The following SYNDIG1L variants were observed in gnomAD, a reference collection of about 807,000 sequenced individuals.
SYNDIG1L encodes synapse differentiation-inducing gene protein 1-like.
In SYNDIG1L, 13 loss-of-function variants were observed where a neutral mutation model predicts 20.1. The observed-to-expected ratio is 0.65, with a 90% CI of 0.42 to 1.03. The LOEUF (loss-of-function observed/expected upper bound fraction) is 1.03. Among genes scored for constraint, SYNDIG1L ranks in the 50% least tolerant of loss-of-function variants. SYNDIG1L has a pLI of 0.00. For synonymous variants in SYNDIG1L, 128 were observed against 129.3 expected, an observed-to-expected ratio of 0.99 and a Z score of 0.07; for missense variants, 294 against 305.1, an observed-to-expected ratio of 0.96 and a Z score of 0.27.
At chr14:74,451,156 A>T in the SYNDIG1L span, among the ~76,000 whole-genome samples, 35 of 152,360 alleles carry the variant, frequency 2.3e-4, no homozygotes, top group Middle Eastern at 6.8e-3. Flanking sequence ...GATGGCTGAC[A>T]CTACCTGATT....
chr14:74,462,743 C>T, the SYNDIG1L span, among the ~76,000 whole-genome samples: 2 of 152,084 alleles, frequency 1.3e-5, no homozygotes, highest in Admixed American at 6.6e-5. Flanking sequence ...TGAACTCAAG[C>T]AATCCTCCCA....
the SYNDIG1L span, chr14:74,474,851 G>T: frequency 6.6e-6 from 1 of 152,134 alleles, no homozygotes; most frequent in Non-Finnish European, 1.5e-5. Context: ...GGGTTAAATG[G>T]TCTGATCCAA....
chr14:74,438,764 T>C, the SYNDIG1L span, among the ~76,000 whole-genome samples: 1 of 152,218 alleles, frequency 6.6e-6, no homozygotes, highest in Non-Finnish European at 1.5e-5. Context: ...AAATGGCTAC[T>C]AGCCCTAGTG....
chr14:74,455,380 C>T, the SYNDIG1L span, among the ~76,000 whole-genome samples: 6 of 149,038 alleles, frequency 4.0e-5, no homozygotes, highest in Non-Finnish European at 5.9e-5. Flanking sequence ...CAGTACCCTT[C>T]CTTCTTCCCC....
intron 1 of SYNDIG1L, among the ~76,000 whole-genome samples, chr14:74,414,349 G>T (rs1254623460): frequency 1.3e-5 from 2 of 152,226 alleles, no homozygotes; most frequent in Non-Finnish European, 2.9e-5. Context: ...TGCAGCTGGG[G>T]CTGTGGGTCT....
chr14:74,419,110 A>G (rs956339046), intron 1 of SYNDIG1L, among the ~76,000 whole-genome samples: 5 of 151,880 alleles, frequency 3.3e-5, no homozygotes, highest in Non-Finnish European at 5.9e-5. Context: ...CAGAAGCTTC[A>G]CTCACATTAG....
the SYNDIG1L span, chr14:74,476,687 C>A: frequency 2.3e-6 from 2 of 881,574 alleles, no homozygotes; most frequent in South Asian, 3.2e-5. Context: ...TTCCAGGACC[C>A]TTGAGCCACC....
the SYNDIG1L span, among the ~76,000 whole-genome samples, chr14:74,439,144 C>T: frequency 6.6e-6 from 1 of 150,386 alleles, no homozygotes; most frequent in African/African-American, 2.4e-5. Context: ...AGGCTCAGCT[C>T]GGGGGTTTCC....
chr14:74,448,853 G>T, the SYNDIG1L span, among the ~76,000 whole-genome samples: 1 of 152,170 alleles, frequency 6.6e-6, no homozygotes, highest in African/African-American at 2.4e-5. Flanking sequence ...AGGATCACTT[G>T]AGTTCAAGAG....
At chr14:74,439,879 CAAA>C in the SYNDIG1L span, among the ~76,000 whole-genome samples, 1 of 101,914 alleles carries the variant, frequency 9.8e-6, no homozygotes. Context: ...AACTCCATCT[CAAA>C]AAAAAAAAAA....
At position 74,407,444 on chromosome 14, in the gene SYNDIG1L, A is replaced by G; in HGVS notation, c.*91T>C. 2 of 1,557,340 alleles carry G rather than the reference A, an allele frequency of 1.3e-6. No homozygotes were observed. Among genetic ancestry groups the G allele is most frequent in the Non-Finnish European group, 1.7e-6 (2 of 1,147,388 alleles). On this transcript the variant is annotated 3_prime_UTR_variant, in exon 4 of 4. Coordinates refer to ENST00000331628, the MANE Select transcript of SYNDIG1L (RefSeq NM_001105579.2). ...AAGCCACTCTCACGGGATCATCTTC[A>G]GGGGCCGGGCCTTTCCATAGGGTCT...
chr14:74,407,332 G>T lies in SYNDIG1L; in HGVS notation c.*203C>A. 1.4e-6 allele frequency: 1 copy of T among 724,518 alleles called. No homozygotes were observed. Among genetic ancestry groups the T allele is most frequent in the Non-Finnish European group, 2.2e-6 (1 of 451,144 alleles). 44.9% of individuals were successfully genotyped at this position (724,518 alleles called of 1,614,324 possible). ...AGCCTGGGTTAGAGAGTGGCGCCCC[G>T]GGCCCTGCTCTGGGGCTGGGAGCAG... On this transcript the variant is annotated 3_prime_UTR_variant, in exon 4 of 4. Transcript: ENST00000331628.
chr14:74,469,421 A>G, the SYNDIG1L span, among the ~76,000 whole-genome samples: 2 of 151,670 alleles, frequency 1.3e-5, no homozygotes, highest in Non-Finnish European at 2.9e-5. Context: ...CCTAATGTAA[A>G]TGACAAGTTA....
chr14:74,436,812 T>C, the SYNDIG1L span, among the ~76,000 whole-genome samples: 1 of 142,684 alleles, frequency 7.0e-6, no homozygotes, highest in Non-Finnish European at 1.5e-5. Context: ...ATCATGCCAT[T>C]GCACTCCAGT....
In SYNDIG1L at chr14:74,406,753, T is replaced by A. The variant is rs2086083742; in HGVS notation, c.*782A>T. The A allele has an allele frequency of 6.6e-6, 1 of 152,330 alleles. No individual in the cohort carries two copies. The highest frequency in any genetic ancestry group is 1.5e-5 in the Non-Finnish European group (1 of 68,154). 9.4% of individuals were successfully genotyped at this position (152,330 alleles called of 1,614,324 possible). ...CCCCCAGGCAAAGCCCAGAAAAGGA[T>A]GATAGGGGCGGGGAGTGGGGGGAGA... On this transcript the variant is annotated 3_prime_UTR_variant, in exon 4 of 4. Transcript: ENST00000331628.
At position 74,406,688 on chromosome 14, in the gene SYNDIG1L, C is replaced by T. The variant is rs1181635851; in HGVS notation, c.*847G>A. On this transcript the variant is annotated 3_prime_UTR_variant, in exon 4 of 4. Coordinates refer to ENST00000331628, the MANE Select transcript of SYNDIG1L (RefSeq NM_001105579.2). ...CAGTGGCTGGTGAGCTGAGGGCACTCTCTGGGTCTAGTCTACTTGTGATGG... is the reference window on the plus strand; with the variant it reads ...CAGTGGCTGGTGAGCTGAGGGCACTTTCTGGGTCTAGTCTACTTGTGATGG... 2 of 152,238 alleles carry T rather than the reference C, an allele frequency of 1.3e-5. No homozygotes were observed. The highest frequency in any genetic ancestry group is 2.9e-5 in the Non-Finnish European group (2 of 68,122). The allele number at this position is 152,238 out of a possible 1,614,324, so 9.4% of individuals were successfully genotyped here. A position where few individuals can be genotyped will look rare whatever the true frequency, so the allele number is the denominator to read the frequency against.
At chr14:74,428,839 A>T (rs1383982978), upstream of SYNDIG1L, among the ~76,000 whole-genome samples, 1 of 152,138 alleles carries the variant, frequency 6.6e-6, no homozygotes. Context: ...GAACGGATTT[A>T]AGACACTTCT....
the SYNDIG1L span, among the ~76,000 whole-genome samples, chr14:74,477,075 CACACACACACACACAA>C: frequency 1.6e-5 from 2 of 126,356 alleles, no homozygotes; most frequent in African/African-American, 6.4e-5. Flanking sequence ...CACACACACA[CACACACACACACACAA>C]CCCTGTCTCC....
the SYNDIG1L span, among the ~76,000 whole-genome samples, chr14:74,447,402 C>T: frequency 1.3e-5 from 2 of 152,160 alleles, no homozygotes; most frequent in African/African-American, 4.8e-5. Flanking sequence ...CCCTGGCCAA[C>T]ATGGTGAAAC....
Sources: gnomAD v4.1 joint callset for allele counts (sites outside exome capture counted in the v4.1 genomes callset) on GRCh38, gnomAD v4.1.1 for gene constraint, MANE v1.5 for transcripts, NCBI Gene and HGNC (gene_info 2026-07-23, HGNC 2026-07-21) for gene names.